Variants in CNTN4 observed in about 807,000 individuals in gnomAD.
The protein encoded by CNTN4 is contactin 4.
CNTN4 carries 77 observed loss-of-function variants against 122.5 expected under a neutral mutation model. The ratio of observed to expected loss-of-function variants is 0.63; its 90% confidence interval spans 0.52 to 0.76. The LOEUF (loss-of-function observed/expected upper bound fraction) is 0.76. Among genes scored for constraint, CNTN4 ranks in the 30% least tolerant of loss-of-function variants. CNTN4 has a pLI of 0.00. For synonymous variants in CNTN4, 512 were observed against 447.0 expected (o/e 1.15, Z -1.83); for missense variants, 1,256 against 1,259.1 (o/e 1.00, Z 0.04).
intron 17 of CNTN4, 70 bp from the exon 18 acceptor site, chr3:3,037,109 T>C: frequency 6.5e-7 from 1 of 1,540,674 alleles, no homozygotes; most frequent in Non-Finnish European, 9.0e-7. Context: ...GTTCCTATCT[T>C]CCTAACGTAA....
At position 2,260,235 on chromosome 3, in the gene CNTN4, T is replaced by C. The variant is rs138958128; in HGVS notation, c.-144-78943T>C. Among the ~76,000 whole-genome samples, 425 of 152,194 alleles carry C rather than the reference T, an allele frequency of 2.8e-3. 2 individuals carry two copies. The highest frequency in any genetic ancestry group is 9.8e-3 in the African/African-American group (408 of 41,528). ...TGATATTTTGGGCCAGGTGATTGTT[T>C]GTTGCAGGAGGGTGTCCTGCGCATT... On this transcript the variant is annotated intron_variant, in intron 2 of 24. Transcript: ENST00000418658.
intron 3 of CNTN4, among the ~76,000 whole-genome samples, chr3:2,557,250 A>G (rs1195321206): frequency 6.6e-6 from 1 of 152,200 alleles, no homozygotes; most frequent in Non-Finnish European, 1.5e-5. Flanking sequence ...TCAGAAAAAG[A>G]CACAAACAAA....
chr3:2,225,727 A>C (rs909253553), intron 2 of CNTN4, among the ~76,000 whole-genome samples: 5 of 152,116 alleles, frequency 3.3e-5, no homozygotes, highest in Non-Finnish European at 7.3e-5. Context: ...GTCTGCCTTG[A>C]CACCATTCCC....
chr3:2,996,265 C>T (rs1254779268), intron 14 of CNTN4, among the ~76,000 whole-genome samples: 2 of 152,020 alleles, frequency 1.3e-5, no homozygotes, highest in Non-Finnish European at 2.9e-5. Flanking sequence ...AATATGAGCA[C>T]ATATTGGTAA....
chr3:2,646,046 C>G (rs2083103248), intron 4 of CNTN4, among the ~76,000 whole-genome samples: 1 of 152,088 alleles, frequency 6.6e-6, no homozygotes, highest in Non-Finnish European at 1.5e-5. Context: ...TTGTTTGTTT[C>G]TTTTGCCACT....
intron 6 of CNTN4, among the ~76,000 whole-genome samples, chr3:2,766,060 C>G (rs1031897509): frequency 2.0e-5 from 3 of 152,160 alleles, no homozygotes; most frequent in Non-Finnish European, 4.4e-5. Context: ...CATCCCTCAT[C>G]ACCACTCTTT....
At chr3:2,967,243 G>A (rs905662223) in intron 13 of CNTN4, among the ~76,000 whole-genome samples, 4 of 152,102 alleles carry the variant, frequency 2.6e-5, no homozygotes, top group African/African-American at 7.2e-5. Flanking sequence ...GGTGGGGGCT[G>A]TAAAATCAGA....
intron 16 of CNTN4, among the ~76,000 whole-genome samples, chr3:3,032,118 T>C (rs1699215836): frequency 6.6e-6 from 1 of 152,160 alleles, no homozygotes; most frequent in Admixed American, 6.5e-5. Flanking sequence ...TAAAAAAACT[T>C]TCAGCAACAG....
chr3:2,635,164 C>G (rs1333156397), intron 4 of CNTN4, among the ~76,000 whole-genome samples: 1 of 152,078 alleles, frequency 6.6e-6, no homozygotes, highest in Admixed American at 6.5e-5. Context: ...TTCAATGCCA[C>G]CACTCTGGAT....
At position 2,631,381 on chromosome 3, in the gene CNTN4, A is replaced by T. The variant is rs1375195412; in HGVS notation, c.55+59823A>T. ...CCCCAGAGATTAGCTGGATGTTCAT[A>T]TGTAGTAGAAGAAGAAAGCAAATTT... On this transcript the variant is annotated intron_variant, in intron 4 of 24. Coordinates refer to ENST00000418658, the MANE Select transcript of CNTN4 (RefSeq NM_175607.3). Among the ~76,000 whole-genome samples the T allele has an allele frequency of 2.6e-5, 4 of 152,304 alleles. No individual in the cohort carries two copies. In the East Asian group the frequency reaches 5.8e-4, roughly 22 times the overall value.
intron 2 of CNTN4, among the ~76,000 whole-genome samples, chr3:2,318,587 G>A (rs1208000015): frequency 6.6e-6 from 1 of 152,064 alleles, no homozygotes. Context: ...GTGTAGTACT[G>A]TCTCTGTGTG....
intron 4 of CNTN4, among the ~76,000 whole-genome samples, chr3:2,725,159 G>C (rs2088135413): frequency 6.6e-6 from 1 of 152,164 alleles, no homozygotes; most frequent in African/African-American, 2.4e-5. Context: ...AGCCATGCAA[G>C]TGCTCTTTTT....
intron 2 of CNTN4, among the ~76,000 whole-genome samples, chr3:2,119,902 G>A (rs1366913155): frequency 1.3e-5 from 2 of 152,076 alleles, no homozygotes; most frequent in Non-Finnish European, 2.9e-5. Context: ...GGGCTCTGAA[G>A]GAGAAAAGGA....
At chr3:2,821,050 C>T (rs955201416) in intron 7 of CNTN4, among the ~76,000 whole-genome samples, 1 of 147,092 alleles carries the variant, frequency 6.8e-6, no homozygotes, top group African/African-American at 2.5e-5. Flanking sequence ...CAACCTCTGC[C>T]TCCCAGGTTC....
chr3:2,457,172 T>G (rs944480822), intron 3 of CNTN4, among the ~76,000 whole-genome samples: 4 of 152,086 alleles, frequency 2.6e-5, no homozygotes, highest in African/African-American at 7.2e-5. Flanking sequence ...ATACCAAGCT[T>G]GCCTGCTTTT....
intron 3 of CNTN4, among the ~76,000 whole-genome samples, chr3:2,472,322 C>A (rs547854178): frequency 1.3e-5 from 2 of 152,224 alleles, no homozygotes; most frequent in South Asian, 4.1e-4. Flanking sequence ...CTCACTGCAA[C>A]TTCCACCTCC....
intron 3 of CNTN4, among the ~76,000 whole-genome samples, chr3:2,387,784 C>T (rs912154529): frequency 1.3e-5 from 2 of 152,070 alleles, no homozygotes; most frequent in African/African-American, 4.8e-5. Flanking sequence ...TTCCATTATT[C>T]TTCATTATTT....
intron 4 of CNTN4, among the ~76,000 whole-genome samples, chr3:2,581,623 C>G (rs536166022): frequency 3.3e-5 from 5 of 152,106 alleles, no homozygotes; most frequent in South Asian, 2.1e-4. Context: ...ACAGTGAAGA[C>G]CAGTTTTTTT....
At chr3:2,873,155 A>C (rs545587378) in intron 8 of CNTN4, among the ~76,000 whole-genome samples, 2 of 152,306 alleles carry the variant, frequency 1.3e-5, no homozygotes, top group East Asian at 3.9e-4. Context: ...AGCTCTCATA[A>C]GACAAATCAT....
Sources: allele counts gnomAD v4.1 joint callset (sites outside exome capture counted in the v4.1 genomes callset), GRCh38; gene constraint gnomAD v4.1.1; transcripts MANE v1.5; gene names NCBI Gene and HGNC (gene_info 2026-07-23, HGNC 2026-07-21).